The following DNAH12 variants were observed in gnomAD, a reference collection of about 807,000 sequenced individuals.
DNAH12 encodes axonemal beta dynein heavy chain 12.
A neutral mutation model predicts 371.5 loss-of-function variants in DNAH12; 285 were observed. That is an observed-to-expected ratio of 0.77 (90% CI 0.70 to 0.85). The LOEUF is 0.85. Among genes scored for constraint, DNAH12 ranks in the 40% least tolerant of loss-of-function variants. DNAH12 has a pLI of 0.00. For missense variants in DNAH12, 3,611 were observed against 3,689.4 expected (o/e 0.98, Z 0.55); for synonymous variants, 1,200 against 1,213.0 (o/e 0.99, Z 0.22).
chr3:57,482,454 G>A (rs4425225), intron 13 of DNAH12, among the ~76,000 whole-genome samples: 100,250 of 150,374 alleles, frequency 0.67, 33,702 homozygotes, highest in South Asian at 0.75. Flanking sequence ...AGAAATAGGA[G>A]CACTTTTACA....
At chr3:57,360,889 G>A (rs2062912354) in intron 58 of DNAH12, among the ~76,000 whole-genome samples, 1 of 152,100 alleles carries the variant, frequency 6.6e-6, no homozygotes, top group African/African-American at 2.4e-5. Context: ...AATAACGTTA[G>A]CTTACAGAAG....
chr3:57,476,807 C>T (rs2066543351), intron 13 of DNAH12, among the ~76,000 whole-genome samples: 1 of 152,122 alleles, frequency 6.6e-6, no homozygotes, highest in Admixed American at 6.5e-5. Flanking sequence ...TAAATAGGTA[C>T]ATCATCTTGT....
intron 45 of DNAH12, among the ~76,000 whole-genome samples, chr3:57,390,424 A>AAAAAAAAAATATATATATATATATATAT: frequency 3.0e-5 from 1 of 33,438 alleles, no homozygotes; most frequent in Non-Finnish European, 7.0e-5. Context: ...AAAAAAAAAA[A>AAAAAAAAAATATATATATATATATATAT]ATATATATAT....
At chr3:57,442,605 C>T (rs1050034250) in intron 29 of DNAH12, among the ~76,000 whole-genome samples, 3 of 152,040 alleles carry the variant, frequency 2.0e-5, no homozygotes, top group Admixed American at 6.5e-5. Flanking sequence ...ATACAGAACC[C>T]ATTAAAAAGC....
At chr3:57,527,402 G>A (rs574961746) in intron 2 of DNAH12, among the ~76,000 whole-genome samples, 1 of 152,338 alleles carries the variant, frequency 6.6e-6, no homozygotes, top group East Asian at 1.9e-4. Context: ...ATAAAGAAAA[G>A]AGGTTTAATT....
chr3:57,363,799 A>G lies in DNAH12; in HGVS notation c.9168-13T>C, dbSNP rs2062989581. The stretch of plus-strand genomic sequence containing the variant: ...TTCTAATTCTGGTCTAAAAAGATAG[A>G]AACATTTAGTCCAAATTTGTAGTAT... On this transcript the variant is annotated splice_polypyrimidine_tract_variant and intron_variant, in intron 57 of 73. Transcript: ENST00000495027. The G allele has an allele frequency of 1.3e-5, 2 of 152,216 alleles. 1 individual carries two copies. Among genetic ancestry groups the G allele is most frequent in the South Asian group, 4.1e-4 (2 of 4,836 alleles). The allele number at this position is 152,216 out of a possible 1,614,324, so 9.4% of individuals were successfully genotyped here.
rs971070772 is a variant in DNAH12, at chr3:57,542,168, G to A, written c.170+533C>T. Among the ~76,000 whole-genome samples, 25 of 116,944 alleles carry A rather than the reference G, an allele frequency of 2.1e-4. No homozygotes were observed. In the East Asian group the frequency reaches 3.7e-3, roughly 18 times the overall value. The allele number at this position is 116,944 out of a possible 152,430, so 76.7% of individuals were successfully genotyped here. A position where few individuals can be genotyped will look rare whatever the true frequency, so the allele number is the denominator to read the frequency against. On this transcript the variant is annotated intron_variant, in intron 2 of 73. Transcript: ENST00000495027. ...TTTCCACTAAACTGGGGGGGGGGGG[G>A]GCGGTGAGTAGGATGTTGAACTCTG...
intron 58 of DNAH12, among the ~76,000 whole-genome samples, chr3:57,361,586 A>T (rs1294898498): frequency 2.6e-5 from 4 of 151,460 alleles, no homozygotes; most frequent in Non-Finnish European, 4.4e-5. Flanking sequence ...CCGACGAATG[A>T]CAAGATAATG....
At chr3:57,378,897 G>A (rs963672551) in intron 52 of DNAH12, among the ~76,000 whole-genome samples, 19 of 152,240 alleles carry the variant, frequency 1.2e-4, no homozygotes, top group Non-Finnish European at 2.5e-4. Flanking sequence ...GGGTCCTAAA[G>A]CTATAAGTAA....
At chr3:57,520,766 G>T (rs1437507275) in intron 4 of DNAH12, among the ~76,000 whole-genome samples, 1 of 151,798 alleles carries the variant, frequency 6.6e-6, no homozygotes, top group Non-Finnish European at 1.5e-5. Context: ...CAGATTTTTT[G>T]CTTTCATACT....
At chr3:57,322,230 G>A in intron 65 of DNAH12, 113 bp downstream of exon 65, 1 of 1,213,604 alleles carries the variant, frequency 8.2e-7, no homozygotes, top group South Asian at 2.0e-5. Flanking sequence ...AATGCGTAAA[G>A]TTTTAAAAAC....
At chr3:57,381,598 A>G (rs1238494353) in intron 50 of DNAH12, among the ~76,000 whole-genome samples, 1 of 152,122 alleles carries the variant, frequency 6.6e-6, no homozygotes, top group Admixed American at 6.6e-5. Context: ...TATGAGTACC[A>G]TCTTTTTTTA....
At chr3:57,400,826 A>G (rs1382623211) in intron 43 of DNAH12, among the ~76,000 whole-genome samples, 1 of 152,208 alleles carries the variant, frequency 6.6e-6, no homozygotes, top group Non-Finnish European at 1.5e-5. Context: ...CAGAAGATCA[A>G]TAAGGAAATA....
At chr3:57,477,538 G>A (rs939779475) in intron 13 of DNAH12, among the ~76,000 whole-genome samples, 2 of 152,138 alleles carry the variant, frequency 1.3e-5, no homozygotes, top group African/African-American at 4.8e-5. Flanking sequence ...ATCCTCTGCA[G>A]ACTTAAATGT....
intron 4 of DNAH12, among the ~76,000 whole-genome samples, chr3:57,519,262 G>A (rs2068319969): frequency 6.6e-6 from 1 of 152,072 alleles, no homozygotes; most frequent in Non-Finnish European, 1.5e-5. Context: ...CACTTTATTT[G>A]TTACCATAAC....
At chr3:57,345,973 T>C (rs147618018) in intron 60 of DNAH12, among the ~76,000 whole-genome samples, 275 of 152,228 alleles carry the variant, frequency 1.8e-3, no homozygotes, top group Non-Finnish European at 2.2e-3. Flanking sequence ...TGTGTATAAG[T>C]GGACTGCTGC....
intron 43 of DNAH12, among the ~76,000 whole-genome samples, chr3:57,397,956 T>C (rs1431196521): frequency 6.6e-6 from 1 of 151,870 alleles, no homozygotes; most frequent in Non-Finnish European, 1.5e-5. Flanking sequence ...AAACCAACCA[T>C]AAGGAAATGC....
intron 25 of DNAH12, among the ~76,000 whole-genome samples, chr3:57,450,892 T>C (rs1317833404): frequency 1.3e-5 from 2 of 152,220 alleles, no homozygotes; most frequent in Admixed American, 6.5e-5. Context: ...ACAGCTGCTC[T>C]TTTCTCCTTA....
intron 43 of DNAH12, among the ~76,000 whole-genome samples, chr3:57,399,945 G>C (rs2063822912): frequency 6.6e-6 from 1 of 152,272 alleles, no homozygotes; most frequent in African/African-American, 2.4e-5. Flanking sequence ...TTACCAGTAA[G>C]GCTTCTGGTC....
Sources: gnomAD v4.1 joint callset for allele counts (sites outside exome capture counted in the v4.1 genomes callset) on GRCh38, gnomAD v4.1.1 for gene constraint, MANE v1.5 for transcripts, NCBI Gene and HGNC (gene_info 2026-07-23, HGNC 2026-07-21) for gene names.